The following SMCO4 variants were observed in gnomAD, a reference collection of about 807,000 sequenced individuals.
The protein encoded by SMCO4 is single-pass membrane and coiled-coil domain-containing protein 4.
In SMCO4, 4 loss-of-function variants were observed where a neutral mutation model predicts 3.6. The observed-to-expected ratio is 1.11, with a 90% CI of 0.54 to 2.53. The LOEUF (loss-of-function observed/expected upper bound fraction) is 2.53. SMCO4 is among the 30% of genes most tolerant of loss of function. The pLI, the probability that SMCO4 is intolerant of heterozygous loss-of-function variation, is 0.02. For synonymous variants in SMCO4, 36 were observed against 35.3 expected (o/e 1.02, Z -0.07); for missense variants, 70 against 80.8 (o/e 0.87, Z 0.51).
rs76673668 is a variant in SMCO4 at position 93,530,119 on chromosome 11, G to A, written c.-154+13157C>T. The stretch of plus-strand genomic sequence containing the variant: ...CTGGAAGCCCAGAAGAATCCACATA[G>A]CTTGCACACTGACCTTGGCATTTTC... On this transcript the variant is annotated intron_variant, in intron 1 of 2. Transcript: ENST00000298966. Among the ~76,000 whole-genome samples the A allele has an allele frequency of 5.0e-3, 759 of 152,322 alleles. 31 individuals are homozygous for A. In the East Asian group the frequency reaches 0.072, roughly 14 times the overall value.
intron 1 of SMCO4, among the ~76,000 whole-genome samples, chr11:93,512,400 TAAAG>T (rs1948965895): frequency 6.6e-6 from 1 of 152,206 alleles, no homozygotes; most frequent in Admixed American, 6.5e-5. Context: ...CACTGCCACA[TAAAG>T]AGTGTACAAT....
chr11:93,553,624 T>C, the SMCO4 span, among the ~76,000 whole-genome samples: 1 of 152,090 alleles, frequency 6.6e-6, no homozygotes, highest in Non-Finnish European at 1.5e-5. Flanking sequence ...AGACCCAAGC[T>C]AGATCTTGTT....
intron 2 of SMCO4, among the ~76,000 whole-genome samples, chr11:93,488,463 A>T (rs1045870828): frequency 8.5e-5 from 13 of 152,256 alleles, no homozygotes; most frequent in African/African-American, 3.1e-4. Flanking sequence ...ATGTTCCAGG[A>T]TACGGGTAGA....
At chr11:93,489,621 C>G (rs945195458) in intron 2 of SMCO4, among the ~76,000 whole-genome samples, 2 of 152,210 alleles carry the variant, frequency 1.3e-5, no homozygotes, top group African/African-American at 4.8e-5. Context: ...GGGGTTTCAT[C>G]AGGCCAGTAC....
chr11:93,534,165 T>C (rs796723418), intron 1 of SMCO4, among the ~76,000 whole-genome samples: 8 of 145,420 alleles, frequency 5.5e-5, no homozygotes, highest in African/African-American at 2.0e-4. Context: ...CACTCCAGCC[T>C]GGGCGACAAA....
At position 93,478,758 on chromosome 11, in the gene SMCO4, C is replaced by A; in HGVS notation, c.*252G>T. ...ACACACACACACACACACACATGCG[C>A]GCGCGCTTTGAAGTCTGAAAGGCAC... is the stretch of plus-strand genomic sequence containing the variant. On this transcript the variant is annotated 3_prime_UTR_variant, in exon 3 of 3. Coordinates refer to ENST00000298966, the MANE Select transcript of SMCO4 (RefSeq NM_020179.3). 3.2e-6 allele frequency: 3 copies of A among 925,988 alleles called. No homozygotes were observed. The highest frequency in any genetic ancestry group is 2.9e-6 in the Non-Finnish European group (2 of 686,456). 57.4% of individuals were successfully genotyped at this position (925,988 alleles called of 1,614,324 possible).
At chr11:93,481,601 C>T in intron 2 of SMCO4, 1 of 859,040 alleles carries the variant, frequency 1.2e-6, no homozygotes, top group South Asian at 5.3e-5. Flanking sequence ...GGGAGGAAAC[C>T]AAGGAGCAAA....
chr11:93,484,278 T>C (rs962394437), intron 2 of SMCO4, among the ~76,000 whole-genome samples: 2 of 152,202 alleles, frequency 1.3e-5, no homozygotes, highest in African/African-American at 4.8e-5. Flanking sequence ...ATTAGAACTT[T>C]CCCGTCTTTT....
At chr11:93,495,837 T>C (rs933051603) in intron 2 of SMCO4, among the ~76,000 whole-genome samples, 2 of 152,230 alleles carry the variant, frequency 1.3e-5, no homozygotes, top group African/African-American at 4.8e-5. Flanking sequence ...CTTGTTCCAT[T>C]TCCCAGAACA....
At position 93,479,752 on chromosome 11, in the gene SMCO4, G is replaced by C. The variant is rs1193163362; in HGVS notation, c.-80-483C>G. ...AGGCCAGCCTCATTAAGGCTGCAGA[G>C]AGCCCACAGGCATCAACTTCTCTCA... is the stretch of plus-strand genomic sequence containing the variant. On this transcript the variant is annotated intron_variant, in intron 2 of 2. Coordinates refer to ENST00000298966, the MANE Select transcript of SMCO4 (RefSeq NM_020179.3). Among the ~76,000 whole-genome samples the C allele has an allele frequency of 2.6e-5, 4 of 152,166 alleles. 1 individual carries two copies. The highest frequency in any genetic ancestry group is 2.6e-4 in the Admixed American group (4 of 15,278).
intron 2 of SMCO4, among the ~76,000 whole-genome samples, chr11:93,483,794 G>A (rs1204560296): frequency 6.6e-6 from 1 of 152,228 alleles, no homozygotes; most frequent in African/African-American, 2.4e-5. Context: ...AGGACTGGCA[G>A]AGTCAAAGGT....
upstream of SMCO4, among the ~76,000 whole-genome samples, chr11:93,547,461 C>A (rs1013800230): frequency 6.6e-6 from 1 of 152,192 alleles, no homozygotes; most frequent in Non-Finnish European, 1.5e-5. Context: ...TTAACCACCC[C>A]ATCTGTTGCA....
chr11:93,545,884 A>G (rs1361808592), upstream of SMCO4, among the ~76,000 whole-genome samples: 2 of 152,158 alleles, frequency 1.3e-5, no homozygotes, highest in East Asian at 1.9e-4. Context: ...TTGAAATGCT[A>G]TCCTGAGACT....
Position 93,478,801 on chromosome 11 carries a change from G to A in SMCO4, c.*209C>T. On this transcript the variant is annotated 3_prime_UTR_variant, in exon 3 of 3. Coordinates refer to ENST00000298966, the MANE Select transcript of SMCO4 (RefSeq NM_020179.3). ...AAAGGCACATGAAGTGGACCATAAG[G>A]TGTATGGCACATTCACTGATAAAAC... 1.4e-6 allele frequency: 2 copies of A among 1,381,532 alleles called. No homozygotes were observed. The highest frequency in any genetic ancestry group is 3.4e-5 in the South Asian group (2 of 59,424). 85.6% of individuals were successfully genotyped at this position (1,381,532 alleles called of 1,614,324 possible). A position where few individuals can be genotyped will look rare whatever the true frequency, so the allele number is the denominator to read the frequency against.
chr11:93,507,970 AT>A (rs1948923740), intron 1 of SMCO4, among the ~76,000 whole-genome samples: 3 of 152,216 alleles, frequency 2.0e-5, no homozygotes, highest in Non-Finnish European at 4.4e-5. Context: ...CTTTGGAAAT[AT>A]TTACTTTTCA....
intron 1 of SMCO4, among the ~76,000 whole-genome samples, chr11:93,528,941 T>C (rs1414544844): frequency 1.3e-5 from 2 of 152,048 alleles, no homozygotes; most frequent in African/African-American, 2.4e-5. Flanking sequence ...ATTTACTAGA[T>C]GTTGGGGGCA....
chr11:93,541,384 G>A (rs921100823), intron 1 of SMCO4, among the ~76,000 whole-genome samples: 1 of 152,182 alleles, frequency 6.6e-6, no homozygotes, highest in Non-Finnish European at 1.5e-5. Context: ...GCATGCCAGA[G>A]GCAAGAGGAA....
At position 93,501,252 on chromosome 11, in the gene SMCO4, T is replaced by C. The variant is rs150662848; in HGVS notation, c.-153-1904A>G. 3.5e-3 allele frequency among the ~76,000 whole-genome samples: 536 copies of C among 152,294 alleles called. 8 individuals carry two copies. The highest frequency in any genetic ancestry group is 0.035 in the South Asian group (169 of 4,832). On this transcript the variant is annotated intron_variant, in intron 1 of 2. Transcript: ENST00000298966. ...GTGCTCAGAAGCTTTTCTAGCAATA[T>C]GAGAAAGAGAGAGCCAAGCACATAA...
upstream of SMCO4, among the ~76,000 whole-genome samples, chr11:93,546,033 C>T (rs1334611379): frequency 6.6e-6 from 1 of 152,218 alleles, no homozygotes; most frequent in East Asian, 1.9e-4. Flanking sequence ...ATAGTCCAGC[C>T]AACCCAGGAA....
Sources: gnomAD v4.1 joint callset for allele counts (sites outside exome capture counted in the v4.1 genomes callset) on GRCh38, gnomAD v4.1.1 for gene constraint, MANE v1.5 for transcripts, NCBI Gene and HGNC (gene_info 2026-07-23, HGNC 2026-07-21) for gene names.